The following RARB variants were observed in gnomAD, a reference collection of about 807,000 sequenced individuals.
The protein encoded by RARB is HBV-activated protein.
In RARB, 17 loss-of-function variants were observed where a neutral mutation model predicts 51.9. The observed-to-expected ratio is 0.33, with a 90% CI of 0.22 to 0.49. RARB has a LOEUF of 0.49. RARB is among the 20% of genes least tolerant of loss of function. The probability of loss-of-function intolerance (pLI) is 0.99; values close to 1 mark genes in which losing one functional copy is unlikely to be tolerated. For synonymous variants in RARB, 215 were observed against 195.4 expected, an observed-to-expected ratio of 1.10 and a Z score of -0.84; for missense variants, 369 against 550.8, an observed-to-expected ratio of 0.67 and a Z score of 3.30.
chr3:25,384,489 A>G lies in RARB; in HGVS notation c.179-76704A>G, dbSNP rs574399235. 4.6e-5 allele frequency among the ~76,000 whole-genome samples: 7 copies of G among 152,318 alleles called. No homozygotes were observed. In the South Asian group the frequency reaches 1.4e-3, roughly 32 times the overall value. ...ACTCCTATCTTTAAAATGAAAAGGT[A>G]TAGATGGTGATGGCCCTGCATCCCT... On this transcript the variant is annotated intron_variant, in intron 5 of 11. Transcript: ENST00000383772.
intron 5 of RARB, among the ~76,000 whole-genome samples, chr3:25,340,360 G>A (rs1343315761): frequency 6.6e-6 from 1 of 152,114 alleles, no homozygotes; most frequent in Non-Finnish European, 1.5e-5. Flanking sequence ...ATTTATGTGA[G>A]GACTAGATAT....
chr3:24,862,165 C>A (rs1376145476), intron 2 of RARB, among the ~76,000 whole-genome samples: 1 of 152,204 alleles, frequency 6.6e-6, no homozygotes, highest in African/African-American at 2.4e-5. Flanking sequence ...AAGGAAAGAA[C>A]TGCTGCTGCT....
intron 1 of RARB, among the ~76,000 whole-genome samples, chr3:24,842,037 T>A (rs923090449): frequency 7.9e-5 from 12 of 152,308 alleles, no homozygotes; most frequent in African/African-American, 2.9e-4. Flanking sequence ...AAAGATCTAA[T>A]GATGCATTAA....
chr3:25,467,950 G>T (rs1695510434), intron 2 of RARB, among the ~76,000 whole-genome samples: 1 of 152,064 alleles, frequency 6.6e-6, no homozygotes, highest in African/African-American at 2.4e-5. Flanking sequence ...AAACAGAATG[G>T]TCTAATAAAG....
In RARB at chr3:25,582,716, C is replaced by T. The variant is rs1339413967; in HGVS notation, c.786+1994C>T. The stretch of plus-strand genomic sequence containing the variant: ...CCCACATCTCAGCTTACACTGAATC[C>T]TGCAGCACTCTTCCAGCCCCATGGA... On this transcript the variant is annotated intron_variant, in intron 5 of 7. Transcript: ENST00000330688. 2.0e-5 allele frequency among the ~76,000 whole-genome samples: 3 copies of T among 152,212 alleles called. No individual in the cohort carries two copies. The East Asian group carries it at 5.8e-4, about 29-fold the overall frequency.
intron 2 of RARB, among the ~76,000 whole-genome samples, chr3:24,977,271 A>C (rs551474445): frequency 6.6e-6 from 1 of 152,236 alleles, no homozygotes; most frequent in East Asian, 1.9e-4. Flanking sequence ...TATGAAATTT[A>C]AAGTAGTTTT....
At chr3:25,516,799 G>C (rs991799459) in intron 3 of RARB, among the ~76,000 whole-genome samples, 1 of 151,924 alleles carries the variant, frequency 6.6e-6, no homozygotes, top group Admixed American at 6.6e-5. Context: ...ACTAATTTTT[G>C]TATTTTTAGC....
intron 5 of RARB, among the ~76,000 whole-genome samples, chr3:25,330,149 C>G (rs1033704436): frequency 5.9e-5 from 9 of 152,024 alleles, no homozygotes; most frequent in African/African-American, 2.2e-4. Flanking sequence ...CATTCCAATT[C>G]AGGAAATACA....
intron 5 of RARB, among the ~76,000 whole-genome samples, chr3:25,245,728 C>A (rs548925212): frequency 3.3e-5 from 5 of 152,074 alleles, no homozygotes; most frequent in Non-Finnish European, 5.9e-5. Flanking sequence ...CTCTGACTGC[C>A]CTTAACATTT....
chr3:25,075,185 G>A (rs980572387), intron 3 of RARB, among the ~76,000 whole-genome samples: 5 of 152,126 alleles, frequency 3.3e-5, no homozygotes, highest in East Asian at 1.9e-4. Context: ...GACACTTGAC[G>A]TAAAATTGCA....
upstream of RARB, among the ~76,000 whole-genome samples, chr3:25,426,062 T>C (rs1322975536): frequency 2.0e-5 from 3 of 152,206 alleles, no homozygotes; most frequent in Admixed American, 2.0e-4. Flanking sequence ...TGAACTCAGT[T>C]TCCAAGGAAC....
intron 2 of RARB, among the ~76,000 whole-genome samples, chr3:24,968,497 G>A (rs1425781703): frequency 1.3e-5 from 2 of 152,140 alleles, no homozygotes; most frequent in African/African-American, 4.8e-5. Context: ...CTGCTGGACA[G>A]TTCTGGGCTG....
chr3:25,274,368 G>T (rs1559340249), intron 5 of RARB, among the ~76,000 whole-genome samples: 1 of 152,072 alleles, frequency 6.6e-6, no homozygotes, highest in Non-Finnish European at 1.5e-5. Flanking sequence ...ATACAGGGTG[G>T]TGCCCTTCCA....
chr3:25,015,241 C>T (rs1697483738), intron 2 of RARB, among the ~76,000 whole-genome samples: 1 of 152,060 alleles, frequency 6.6e-6, no homozygotes, highest in Non-Finnish European at 1.5e-5. Context: ...GATCAAAAAG[C>T]ACAGAAGGAA....
At chr3:25,516,631 C>CTTT (rs559135603) in intron 3 of RARB, among the ~76,000 whole-genome samples, 1 of 131,728 alleles carries the variant, frequency 7.6e-6, no homozygotes, top group African/African-American at 3.3e-5. Context: ...ATTTCCTTGT[C>CTTT]TTTTTTTTTT....
chr3:25,460,428 T>TTATTTATTTA (rs1695119084), intron 1 of RARB, among the ~76,000 whole-genome samples: 6 of 145,582 alleles, frequency 4.1e-5, no homozygotes, highest in African/African-American at 1.5e-4. Context: ...ATTTTAAAAT[T>TTATTTATTTA]TTTATTTATT....
Position 25,238,215 on chromosome 3 carries a change from A to C in RARB, c.178+63640A>C, listed in dbSNP as rs1298128651. ...TCTACTCTCTACCTTTATGAGATCC[A>C]CTTTTTTTAGTTCCTACATATGAAT... is the stretch of plus-strand genomic sequence containing the variant. On this transcript the variant is annotated intron_variant, in intron 5 of 11. Transcript: ENST00000383772. Among the ~76,000 whole-genome samples, 4 of 151,098 alleles carry C rather than the reference A, an allele frequency of 2.6e-5. No homozygotes were observed. In the East Asian group the frequency reaches 7.8e-4, roughly 29 times the overall value.
intron 2 of RARB, among the ~76,000 whole-genome samples, chr3:24,944,522 C>T (rs1695734494): frequency 6.6e-6 from 1 of 152,102 alleles, no homozygotes; most frequent in South Asian, 2.1e-4. Context: ...AATAATTTGT[C>T]TAAAATTACA....
At chr3:24,943,807 C>G (rs1695719210) in intron 2 of RARB, among the ~76,000 whole-genome samples, 1 of 152,176 alleles carries the variant, frequency 6.6e-6, no homozygotes. Flanking sequence ...CTGCAGTCTT[C>G]TGTGCATTTG....
Sources: allele counts gnomAD v4.1 joint callset (sites outside exome capture counted in the v4.1 genomes callset), GRCh38; gene constraint gnomAD v4.1.1; transcripts MANE v1.5; gene names NCBI Gene and HGNC (gene_info 2026-07-23, HGNC 2026-07-21).